NKAIN3: variants seen among roughly 807,000 people sequenced by gnomAD.
The protein encoded by NKAIN3 is sodium/potassium transporting ATPase interacting 3.
In NKAIN3, 25 loss-of-function variants were observed where a neutral mutation model predicts 30.2. The ratio of observed to expected loss-of-function variants is 0.83; its 90% confidence interval spans 0.60 to 1.16. The LOEUF (loss-of-function observed/expected upper bound fraction) is 1.16, where lower values mean the gene tolerates loss of function less well. NKAIN3 is among the 50% of genes most tolerant of loss of function. NKAIN3 has a pLI of 0.00. For synonymous variants in NKAIN3, 91 were observed against 89.6 expected (o/e 1.02, Z -0.09); for missense variants, 225 against 254.1 (o/e 0.89, Z 0.78).
intron 1 of NKAIN3, among the ~76,000 whole-genome samples, chr8:62,447,040 A>G (rs1805507218): frequency 6.6e-6 from 1 of 152,058 alleles, no homozygotes; most frequent in South Asian, 2.1e-4. Context: ...CTGGGATGCC[A>G]TACCTGGTGA....
chr8:62,490,029 A>G (rs116444410), intron 1 of NKAIN3, among the ~76,000 whole-genome samples: 2,265 of 152,338 alleles, frequency 0.015, 63 homozygotes, highest in African/African-American at 0.052. Context: ...AAATTAAAAT[A>G]TGGAAAATAC....
At chr8:62,419,405 ACCC>A (rs1804561265) in intron 1 of NKAIN3, among the ~76,000 whole-genome samples, 2 of 152,126 alleles carry the variant, frequency 1.3e-5, no homozygotes, top group African/African-American at 4.8e-5. Context: ...GGTCTCTCCC[ACCC>A]AGGAAAGAAC....
chr8:62,555,195 A>G (rs1585940806), intron 1 of NKAIN3, among the ~76,000 whole-genome samples: 1 of 152,298 alleles, frequency 6.6e-6, no homozygotes, highest in Non-Finnish European at 1.5e-5. Context: ...AAAATTTCAA[A>G]GAACTAAATT....
At chr8:62,556,941 AT>A (rs916884152) in intron 1 of NKAIN3, among the ~76,000 whole-genome samples, 12 of 151,806 alleles carry the variant, frequency 7.9e-5, no homozygotes, top group South Asian at 4.2e-4. Flanking sequence ...ATACTTTTAA[AT>A]TTTTTTTTAT....
At chr8:62,827,819 T>C (rs1371883763) in intron 4 of NKAIN3, among the ~76,000 whole-genome samples, 1 of 152,224 alleles carries the variant, frequency 6.6e-6, no homozygotes, top group African/African-American at 2.4e-5. Flanking sequence ...AGTTAATAAG[T>C]ACTCACACAT....
chr8:62,810,536 A>G (rs1272727339), intron 4 of NKAIN3, among the ~76,000 whole-genome samples: 1 of 152,008 alleles, frequency 6.6e-6, no homozygotes, highest in African/African-American at 2.4e-5. Context: ...ATCTCTTTTA[A>G]TAGGTGAGCT....
chr8:62,702,990 C>T (rs548304927), intron 3 of NKAIN3, among the ~76,000 whole-genome samples: 1 of 152,150 alleles, frequency 6.6e-6, no homozygotes, highest in Non-Finnish European at 1.5e-5. Flanking sequence ...AAATTGTCAG[C>T]ATTAATGATC....
chr8:62,492,963 T>C (rs1807119252), intron 1 of NKAIN3, among the ~76,000 whole-genome samples: 1 of 152,070 alleles, frequency 6.6e-6, no homozygotes, highest in African/African-American at 2.4e-5. Context: ...AGATGCGTAG[T>C]TTGTAAAAAT....
At chr8:62,560,168 G>A (rs950391376) in intron 1 of NKAIN3, among the ~76,000 whole-genome samples, 1 of 152,038 alleles carries the variant, frequency 6.6e-6, no homozygotes, top group African/African-American at 2.4e-5. Flanking sequence ...GTAAGCTATT[G>A]TCTTTGGCTG....
At chr8:62,290,837 G>A (rs79128751) in intron 1 of NKAIN3, among the ~76,000 whole-genome samples, 1 of 152,098 alleles carries the variant, frequency 6.6e-6, no homozygotes. Context: ...TTGTACCTCT[G>A]GTAGAATTCA....
chr8:62,766,736 T>C (rs1816851877), intron 4 of NKAIN3, among the ~76,000 whole-genome samples: 1 of 152,172 alleles, frequency 6.6e-6, no homozygotes. Flanking sequence ...GTGTGTACTA[T>C]ATAGCTCAGA....
In NKAIN3 at chr8:62,500,501, G is replaced by A. The variant is rs561023716; in HGVS notation, c.55-79038G>A. The stretch of plus-strand genomic sequence containing the variant: ...AGAAAGAAAGAAGAAAAGAAAGAAA[G>A]AAAGAAGGAAAGAAAGAAAGAGTGA... On this transcript the variant is annotated intron_variant, in intron 1 of 6. Coordinates refer to ENST00000623646, the MANE Select transcript of NKAIN3 (RefSeq NM_001304533.3). 1.2e-4 allele frequency among the ~76,000 whole-genome samples: 17 copies of A among 138,974 alleles called. No individual in the cohort carries two copies. In the South Asian group the frequency reaches 3.1e-3, roughly 25 times the overall value. 91.2% of individuals were successfully genotyped at this position (138,974 alleles called of 152,430 possible).
At chr8:62,742,895 G>A (rs1815950786) in intron 3 of NKAIN3, among the ~76,000 whole-genome samples, 1 of 152,124 alleles carries the variant, frequency 6.6e-6, no homozygotes, top group South Asian at 2.1e-4. Context: ...CAAACATGGT[G>A]GAAGGGGAAG....
intron 3 of NKAIN3, among the ~76,000 whole-genome samples, chr8:62,619,416 A>G (rs1811556303): frequency 6.6e-6 from 1 of 152,210 alleles, no homozygotes; most frequent in African/African-American, 2.4e-5. Context: ...TAACCCAGAC[A>G]TTCCTTTCTA....
At chr8:62,289,985 T>A (rs1813530985) in intron 1 of NKAIN3, among the ~76,000 whole-genome samples, 1 of 152,154 alleles carries the variant, frequency 6.6e-6, no homozygotes, top group Non-Finnish European at 1.5e-5. Context: ...TTCCTAGGTA[T>A]TTTATTCTCT....
chr8:62,757,528 C>A (rs1461915005), intron 4 of NKAIN3, among the ~76,000 whole-genome samples: 1 of 152,104 alleles, frequency 6.6e-6, no homozygotes, highest in African/African-American at 2.4e-5. Flanking sequence ...TACCTTCCAG[C>A]CGGCCGTCAA....
intron 1 of NKAIN3, among the ~76,000 whole-genome samples, chr8:62,531,651 A>C (rs1257509957): frequency 1.6e-4 from 25 of 152,176 alleles, no homozygotes; most frequent in Admixed American, 1.6e-3. Context: ...TGTCTGGTGC[A>C]GAGTAGATGG....
intron 1 of NKAIN3, among the ~76,000 whole-genome samples, chr8:62,487,378 C>T (rs868713624): frequency 6.6e-6 from 1 of 152,068 alleles, no homozygotes; most frequent in African/African-American, 2.4e-5. Flanking sequence ...TCACGGATGG[C>T]AGTAGTTGGA....
chr8:62,468,892 C>G (rs1034894049), intron 1 of NKAIN3, among the ~76,000 whole-genome samples: 1 of 152,158 alleles, frequency 6.6e-6, no homozygotes, highest in African/African-American at 2.4e-5. Flanking sequence ...TCAACTAATT[C>G]TGAGTAATGC....
Sources: allele counts gnomAD v4.1 joint callset (sites outside exome capture counted in the v4.1 genomes callset), GRCh38; gene constraint gnomAD v4.1.1; transcripts MANE v1.5; gene names NCBI Gene and HGNC (gene_info 2026-07-23, HGNC 2026-07-21).